LMF1: variants seen among roughly 807,000 people sequenced by gnomAD.
The protein encoded by LMF1 is transmembrane protein 112.
LMF1 carries 68 observed loss-of-function variants against 60.6 expected under a neutral mutation model. The observed-to-expected ratio is 1.12, with a 90% CI of 0.92 to 1.37. The LOEUF is 1.37. LMF1 is among the 40% of genes most tolerant of loss of function. LMF1 has a pLI of 0.00. For missense variants in LMF1, 948 were observed against 767.2 expected, an observed-to-expected ratio of 1.24 and a Z score of -2.78; for synonymous variants, 418 against 324.7, an observed-to-expected ratio of 1.29 and a Z score of -3.09.
chr16:958,969 G>A (rs531208119), intron 1 of LMF1, among the ~76,000 whole-genome samples: 41 of 152,282 alleles, frequency 2.7e-4, no homozygotes, highest in African/African-American at 9.6e-4. Context: ...CAGCAGGAGT[G>A]CCCTCGCTGT....
At chr16:917,534 C>T (rs1367515718) in intron 3 of LMF1, among the ~76,000 whole-genome samples, 1 of 152,074 alleles carries the variant, frequency 6.6e-6, no homozygotes, top group Non-Finnish European at 1.5e-5. Flanking sequence ...TGTGGGCGGG[C>T]GCAGGCCCAC....
At chr16:887,668 T>G (rs2070349833) in intron 5 of LMF1, among the ~76,000 whole-genome samples, 1 of 151,222 alleles carries the variant, frequency 6.6e-6, no homozygotes, top group Admixed American at 6.6e-5. Context: ...CCACGCAGAG[T>G]GCGCGCTCCT....
At chr16:940,389 G>T (rs547596849) in intron 2 of LMF1, among the ~76,000 whole-genome samples, 1 of 152,178 alleles carries the variant, frequency 6.6e-6, no homozygotes, top group African/African-American at 2.4e-5. Flanking sequence ...AGAAACACAG[G>T]CTCACCCACC....
At chr16:975,481 G>A (rs1333688263), upstream of LMF1, among the ~76,000 whole-genome samples, 1 of 152,238 alleles carries the variant, frequency 6.6e-6, no homozygotes, top group Non-Finnish European at 1.5e-5. Context: ...TTAATGCTGC[G>A]TAACAAACAG....
chr16:949,731 C>A (rs553796086), intron 2 of LMF1, among the ~76,000 whole-genome samples: 1 of 98,234 alleles, frequency 1.0e-5, no homozygotes, highest in Non-Finnish European at 1.9e-5. Context: ...GAGTCAGAGA[C>A]GACAGAGTCA....
At chr16:916,680 A>G (rs1423656487) in intron 3 of LMF1, among the ~76,000 whole-genome samples, 1 of 152,098 alleles carries the variant, frequency 6.6e-6, no homozygotes, top group African/African-American at 2.4e-5. Flanking sequence ...AGAGCCCCAG[A>G]CCCCACTTCT....
At chr16:931,075 C>G (rs375556441) in intron 3 of LMF1, among the ~76,000 whole-genome samples, 1 of 151,522 alleles carries the variant, frequency 6.6e-6, no homozygotes, top group South Asian at 2.1e-4. Context: ...GAGCCAAGAT[C>G]GCACCACTGC....
intron 2 of LMF1, among the ~76,000 whole-genome samples, chr16:944,554 T>C (rs1216233978): frequency 1.3e-5 from 2 of 152,240 alleles, no homozygotes; most frequent in East Asian, 3.8e-4. Context: ...ATGTATCTCC[T>C]TTCCAGGGAC....
chr16:976,242 G>C (rs1486812439), intron 1 of LMF1: 1 of 446,158 alleles, frequency 2.2e-6, no homozygotes, highest in East Asian at 7.0e-5. Context: ...AAGGGCCCAA[G>C]GGCTGAAATG....
chr16:973,770 G>A (rs931839045), upstream of LMF1, among the ~76,000 whole-genome samples: 5 of 152,230 alleles, frequency 3.3e-5, no homozygotes, highest in Non-Finnish European at 7.3e-5. Context: ...GGAGGCCGAG[G>A]CGGGTGGATC....
chr16:858,685 G>C (rs1436433727), intron 10 of LMF1, among the ~76,000 whole-genome samples: 1 of 92,440 alleles, frequency 1.1e-5, no homozygotes, highest in Non-Finnish European at 2.1e-5. Flanking sequence ...ACGGGTGTGA[G>C]TGGTGTCACG....
intron 6 of LMF1, chr16:873,530 TCAGCTGCCACGGAGAA>T (rs888225096): frequency 4.6e-5 from 7 of 151,898 alleles, no homozygotes; most frequent in African/African-American, 1.7e-4. Flanking sequence ...CTCCTGCCTG[TCAGCTGCCACGGAGAA>T]CAGGTGGCTT....
At chr16:879,787 G>A (rs1316158086) in intron 5 of LMF1, 50 bp from the exon 6 acceptor site, 1 of 1,526,252 alleles carries the variant, frequency 6.6e-7, no homozygotes, top group Non-Finnish European at 8.9e-7. Context: ...TCGGGGGGCG[G>A]GGCTAGGGAG....
At chr16:951,633 A>T (rs2072470185) in intron 2 of LMF1, among the ~76,000 whole-genome samples, 1 of 152,234 alleles carries the variant, frequency 6.6e-6, no homozygotes, top group Admixed American at 6.5e-5. Flanking sequence ...ACCAAAACAA[A>T]AACGTGCAAG....
At chr16:901,401 T>A (rs2151742891) in intron 4 of LMF1, 1 of 152,362 alleles carries the variant, frequency 6.6e-6, no homozygotes, top group Non-Finnish European at 1.5e-5. Context: ...ATCTGCTGCG[T>A]GCTGGCCACA....
intron 1 of LMF1, chr16:976,489 C>T (rs772718324): frequency 8.8e-6 from 4 of 454,006 alleles, no homozygotes; most frequent in Admixed American, 4.7e-5. Flanking sequence ...CCTCCCTCGA[C>T]GGAAGGTGAC....
intron 6 of LMF1, chr16:873,002 T>TCTAGCCTCAGGGAACTAGG (rs1379804192): frequency 1.3e-5 from 2 of 152,238 alleles, no homozygotes; most frequent in Non-Finnish European, 2.9e-5. Context: ...AGTGGGGAAC[T>TCTAGCCTCAGGGAACTAGG]CTAGCCTCAG....
chr16:955,609 G>A (rs2072680004), intron 1 of LMF1, among the ~76,000 whole-genome samples: 1 of 152,274 alleles, frequency 6.6e-6, no homozygotes, highest in Non-Finnish European at 1.5e-5. Flanking sequence ...AGCAGACGCA[G>A]TGTGTGCATC....
intron 2 of LMF1, among the ~76,000 whole-genome samples, chr16:936,347 G>A (rs2071945020): frequency 7.1e-6 from 1 of 140,156 alleles, no homozygotes; most frequent in African/African-American, 2.7e-5. Context: ...GGCACCGTGT[G>A]GGCTGAGGAA....
Sources: gnomAD v4.1 joint callset for allele counts (sites outside exome capture counted in the v4.1 genomes callset) on GRCh38, gnomAD v4.1.1 for gene constraint, MANE v1.5 for transcripts, NCBI Gene and HGNC (gene_info 2026-07-23, HGNC 2026-07-21) for gene names.